Variants in TMEM134 observed in about 807,000 individuals in gnomAD.
The protein encoded by TMEM134 is transmembrane protein 134.
A neutral mutation model predicts 26.2 loss-of-function variants in TMEM134; 36 were observed. The ratio of observed to expected loss-of-function variants is 1.37; its 90% CI spans 1.05 to 1.81. The LOEUF is 1.81. Ranked by LOEUF, TMEM134 falls within the 40% of genes most tolerant of loss-of-function variation. The pLI is 0.00. For missense variants in TMEM134, 339 were observed against 263.5 expected (o/e 1.29, Z -1.98); for synonymous variants, 133 against 113.6 (o/e 1.17, Z -1.08).
In TMEM134 at chr11:67,467,584, G is replaced by A. The variant is rs202071425; in HGVS notation, c.246C>T (p.Ser82=). The A allele has an allele frequency of 3.7e-6, 6 of 1,613,992 alleles. No homozygotes were observed. In the East Asian group the frequency reaches 8.9e-5, roughly 24 times the overall value. Residue 82 remains serine, a synonymous_variant, in exon 3 of 7, where the codon TCC becomes TCT. Transcript: ENST00000308022. ...GGGAGCTGCGGATGGAAGTTCGGCTGGAATCCCTGCCAGGACAGGCGCCCA... is the reference window on the plus strand; with the variant it reads ...GGGAGCTGCGGATGGAAGTTCGGCTAGAATCCCTGCCAGGACAGGCGCCCA... The part of the protein sequence containing the change: ...EPDGGVGTRD[S]SRTSIRSSQW...
intron 2 of TMEM134, 172 bp from the exon 3 acceptor site, chr11:67,467,762 G>A: frequency 1.4e-6 from 1 of 701,428 alleles, no homozygotes; most frequent in African/African-American, 1.8e-5. Flanking sequence ...CTGGGGATGA[G>A]CTAGGGGATT....
Position 67,464,385 on chromosome 11 carries a change from A to C in TMEM134, c.*229T>G, listed in dbSNP as rs533907043. 17 of 600,068 alleles carry C rather than the reference A, an allele frequency of 2.8e-5. No homozygotes were observed. The highest frequency in any genetic ancestry group is 2.6e-4 in the African/African-American group (14 of 53,810). The allele number at this position is 600,068 out of a possible 1,614,324, so 37.2% of individuals were successfully genotyped here. A position where few individuals can be genotyped will look rare whatever the true frequency, so the allele number is the denominator to read the frequency against. On this transcript the variant is annotated 3_prime_UTR_variant, in exon 7 of 7. Coordinates refer to ENST00000308022, the MANE Select transcript of TMEM134 (RefSeq NM_025124.4). ...GAATTAATTACTCTTTTATTAGCAC[A>C]AAATAACAGCAACCTAGCAGCCGCA...
In TMEM134 at chr11:67,467,527, G is replaced by A; in HGVS notation, c.303C>T (p.Thr101=). 1 of 1,614,056 alleles carries A rather than the reference G, an allele frequency of 6.2e-7. No homozygotes were observed. Among genetic ancestry groups the A allele is most frequent in the South Asian group, 1.1e-5 (1 of 91,082 alleles). ...QWSFSTISSS[T]QRSYNTCCSW... ...TGCAGCAGGTGTTGTAGGAGCGCTG[G>A]GTGCTGCTGCTGATGGTGCTGAAGG... The change falls in exon 3 of 7, where the codon ACC becomes ACT. Residue 101 remains threonine (T), a synonymous_variant. Transcript: ENST00000308022.
Position 67,464,625 on chromosome 11 carries a change from A to G in TMEM134, c.577T>C (p.Phe193Leu). Reference sequence around the variant, plus strand: ...ACGCTGCGCCGCGATCACTTCTCGAAGTAGGGCAGGTAGAAGAACTGGAAG... The same window carrying G: ...ACGCTGCGCCGCGATCACTTCTCGAGGTAGGGCAGGTAGAAGAACTGGAAG... ...RGFQFFYLPYFEK is the reference protein window; with the variant it reads ...RGFQFFYLPYLEK The change falls in exon 7 of 7, where the codon TTC (phenylalanine) becomes CTC (leucine). Residue 193 changes from phenylalanine to leucine, a missense_variant. Phe to Leu is a conservative substitution (Grantham distance 22). Transcript: ENST00000308022. 1 of 1,552,512 alleles carries G rather than the reference A, an allele frequency of 6.4e-7. No homozygotes were observed. The highest frequency in any genetic ancestry group is 1.2e-5 in the South Asian group (1 of 84,134).
rs1368420691 is a variant in TMEM134 at position 67,463,461 on chromosome 11, G to A, written c.*1153C>T. The A allele has an allele frequency of 6.6e-6, 1 of 152,242 alleles. No homozygotes were observed. The highest frequency in any genetic ancestry group is 1.5e-5 in the Non-Finnish European group (1 of 68,082). 9.4% of individuals were successfully genotyped at this position (152,242 alleles called of 1,614,324 possible). A position where few individuals can be genotyped will look rare whatever the true frequency, so the allele number is the denominator to read the frequency against. ...CCACCTGCTGGCTGTCCTTGGGTGA[G>A]TCAGTCCTTATCTGTAAAATGGGAC... On this transcript the variant is annotated 3_prime_UTR_variant, in exon 7 of 7. Transcript: ENST00000308022.
At position 67,463,284 on chromosome 11, in the gene TMEM134, C is replaced by A. The variant is rs11603236; in HGVS notation, c.*1330G>T. On this transcript the variant is annotated 3_prime_UTR_variant, in exon 7 of 7. Coordinates refer to ENST00000308022, the MANE Select transcript of TMEM134 (RefSeq NM_025124.4). ...GTTTTGGTGGGGGAGATAGACAGTA[C>A]GGGCAGGTGCACCAACAGGGCCTCC... The A allele has an allele frequency of 0.045, 6,778 of 152,302 alleles. 202 individuals are homozygous for A. The highest frequency in any genetic ancestry group is 0.072 in the Non-Finnish European group (4,889 of 68,074). The allele number at this position is 152,302 out of a possible 1,614,324, so 9.4% of individuals were successfully genotyped here.
chr11:67,467,647 ACAG>A lies in TMEM134; in HGVS notation c.240-60_240-58del. The A allele has an allele frequency of 1.9e-6, 3 of 1,549,218 alleles. No individual in the cohort carries two copies. In the East Asian group the frequency reaches 6.7e-5, roughly 35 times the overall value. On this transcript the variant is annotated intron_variant, in intron 2 of 6. Transcript: ENST00000308022. ...GAGGCAAGGACGGGGTTGCTTTGGG[ACAG>A]GAGTCCTGATGAAGTGCAGGGCATG...
In TMEM134 at chr11:67,464,796, C is replaced by G. The variant is rs1230806947; in HGVS notation, c.505+7G>C. The G allele has an allele frequency of 3.7e-6, 6 of 1,603,108 alleles. No homozygotes were observed. The highest frequency in any genetic ancestry group is 4.3e-6 in the Non-Finnish European group (5 of 1,176,392). On this transcript the variant is annotated splice_region_variant and intron_variant, in intron 6 of 6. Coordinates refer to ENST00000308022, the MANE Select transcript of TMEM134 (RefSeq NM_025124.4). ...CCCGCCCCTTCCGCCCCGGTGCCCGCTCGCACCTCCAGGCACCAACAACAG... is the reference window on the plus strand; with the variant it reads ...CCCGCCCCTTCCGCCCCGGTGCCCGGTCGCACCTCCAGGCACCAACAACAG...
chr11:67,465,350 T>TA (rs1419614875), intron 4 of TMEM134: 4 of 1,041,804 alleles, frequency 3.8e-6, no homozygotes, highest in Non-Finnish European at 5.2e-6. Context: ...ATGGAACACC[T>TA]ACTGCGTGCC....
At chr11:67,466,523 TG>T (rs1865257479) in intron 4 of TMEM134, 1 of 153,014 alleles carries the variant, frequency 6.5e-6, no homozygotes, top group African/African-American at 2.4e-5. Flanking sequence ...ACAGCGGTGC[TG>T]GGAAGTGGCA....
At chr11:67,468,590 G>A (rs1367106583) in intron 1 of TMEM134, among the ~76,000 whole-genome samples, 3 of 152,200 alleles carry the variant, frequency 2.0e-5, no homozygotes, top group Non-Finnish European at 4.4e-5. Flanking sequence ...GTGGGATTAG[G>A]GAGAGGGCTT....
Position 67,468,073 on chromosome 11 carries a change from T to A in TMEM134, c.194A>T (p.Asp65Val). The A allele has an allele frequency of 6.4e-7, 1 of 1,564,006 alleles. No homozygotes were observed. The highest frequency in any genetic ancestry group is 8.7e-7 in the Non-Finnish European group (1 of 1,153,798). Residue 65 changes from aspartate to valine, a missense_variant, in exon 2 of 7, where the codon GAT (aspartate) becomes GTT (valine). Transcript: ENST00000308022. The part of the protein sequence containing the change: ...LRYQNLENDE[D>V]GAQASPEPDG... ...CGGCTCCGGAGAGGCCTGGGCTCCATCCTCATCGTTCTCCAGGTTCTGTTG... is the reference window on the plus strand; with the variant it reads ...CGGCTCCGGAGAGGCCTGGGCTCCAACCTCATCGTTCTCCAGGTTCTGTTG...
At chr11:67,466,764 G>C (rs772625739) in intron 4 of TMEM134, 14 of 162,604 alleles carry the variant, frequency 8.6e-5, no homozygotes, top group Non-Finnish European at 1.6e-4. Context: ...AGAACACCTG[G>C]TGTGAGATCT....
chr11:67,469,071 C>A lies in TMEM134; in HGVS notation c.122G>T (p.Arg41Leu). The A allele has an allele frequency of 6.6e-7, 1 of 1,515,120 alleles. No individual in the cohort carries two copies. The highest frequency in any genetic ancestry group is 8.8e-7 in the Non-Finnish European group (1 of 1,132,240). 93.9% of individuals were successfully genotyped at this position (1,515,120 alleles called of 1,614,324 possible). A position where few individuals can be genotyped will look rare whatever the true frequency, so the allele number is the denominator to read the frequency against. ...ARFGPLHFER[R>L]ARFEVADEDK... ...CTCGTCAGCCACCTCGAACCGGGCC[C>A]GACGCTCGAAGTGCAGCGGCCCAAA... Residue 41 changes from arginine (R) to leucine (L), a missense_variant, in exon 1 of 7, where the codon CGG becomes CTG. Transcript: ENST00000308022.
rs1395915895 is a variant in TMEM134 at position 67,464,649 on chromosome 11, A to AGCCCCGGTG, written c.544_552dup (p.His182_Gly184dup). On this transcript the variant is annotated inframe_insertion, in exon 7 of 7. Transcript: ENST00000308022. ...AAGTAGGGCAGGTAGAAGAACTGGAAGCCCCGGTGGCCCTTGACCGCGCAG... is the reference window on the plus strand; with the variant it reads ...AAGTAGGGCAGGTAGAAGAACTGGAAGCCCCGGTGGCCCCGGTGGCCCTTGACCGCGCAG... The AGCCCCGGTG allele has an allele frequency of 1.3e-6, 2 of 1,553,724 alleles. No individual in the cohort carries two copies. The highest frequency in any genetic ancestry group is 1.7e-6 in the Non-Finnish European group (2 of 1,148,010).
At position 67,464,181 on chromosome 11, in the gene TMEM134, C is replaced by T. The variant is rs769574901; in HGVS notation, c.*433G>A. On this transcript the variant is annotated 3_prime_UTR_variant, in exon 7 of 7. Transcript: ENST00000308022. ...GCTGGCAAGGCAGGAGTCCTACGCC[C>T]AGCTCTGCCCCTAACATGCCCCGTG... is the stretch of plus-strand genomic sequence containing the variant. 4.3e-6 allele frequency: 1 copy of T among 234,600 alleles called. No homozygotes were observed. The highest frequency in any genetic ancestry group is 4.4e-5 in the South Asian group (1 of 22,714). 14.5% of individuals were successfully genotyped at this position (234,600 alleles called of 1,614,324 possible).
chr11:67,465,170 C>T, intron 4 of TMEM134, 70 bp from the exon 5 acceptor site: 1 of 1,534,828 alleles, frequency 6.5e-7, no homozygotes, highest in Non-Finnish European at 8.7e-7. Context: ...CACCCCCAGC[C>T]CGGCTCACCC....
At chr11:67,468,917 T>A in intron 1 of TMEM134, 102 bp downstream of exon 1, 2 of 1,194,442 alleles carry the variant, frequency 1.7e-6, no homozygotes, top group Non-Finnish European at 2.2e-6. Context: ...GCGCTTCAGC[T>A]GGGGCCTCTA....
rs1221729127 is a variant in TMEM134, at chr11:67,464,601, C to T, written c.*13G>A. 6.4e-7 allele frequency: 1 copy of T among 1,551,768 alleles called. No individual in the cohort carries two copies. The highest frequency in any genetic ancestry group is 8.7e-7 in the Non-Finnish European group (1 of 1,146,990). ...CGCCCCCATGGGCGCAAGGGGTCCA[C>T]GCTGCGCCGCGATCACTTCTCGAAG... On this transcript the variant is annotated 3_prime_UTR_variant, in exon 7 of 7. Transcript: ENST00000308022.
Sources: gnomAD v4.1 joint callset for allele counts (sites outside exome capture counted in the v4.1 genomes callset) on GRCh38, gnomAD v4.1.1 for gene constraint, MANE v1.5 for transcripts, NCBI Gene and HGNC (gene_info 2026-07-23, HGNC 2026-07-21) for gene names.